KCNIP4: variants seen among roughly 807,000 people sequenced by gnomAD.
KCNIP4 encodes the protein Kv channel-interacting protein 4.
In KCNIP4, 12 loss-of-function variants were observed where a neutral mutation model predicts 34.0. The ratio of observed to expected loss-of-function variants is 0.35; its 90% confidence interval spans 0.23 to 0.57. The LOEUF is 0.57. KCNIP4 is among the 20% of genes least tolerant of loss of function. The pLI is 0.83. For missense variants in KCNIP4, 238 were observed against 311.7 expected (o/e 0.76, Z 1.78); for synonymous variants, 124 against 102.2 (o/e 1.21, Z -1.29).
intron 1 of KCNIP4, among the ~76,000 whole-genome samples, chr4:21,831,663 C>CA (rs141374886): frequency 0.59 from 42,978 of 73,380 alleles, 14,505 homozygotes; most frequent in Non-Finnish European, 0.63. Flanking sequence ...CATTTTTCAT[C>CA]AAAAAAAAAA....
intron 1 of KCNIP4, among the ~76,000 whole-genome samples, chr4:21,049,478 A>G (rs1742743110): frequency 6.6e-6 from 1 of 152,216 alleles, no homozygotes; most frequent in Non-Finnish European, 1.5e-5. Flanking sequence ...AGTCTAAACT[A>G]TACACATTTA....
At chr4:21,433,632 T>G (rs1387155975) in intron 1 of KCNIP4, among the ~76,000 whole-genome samples, 1 of 152,196 alleles carries the variant, frequency 6.6e-6, no homozygotes, top group East Asian at 1.9e-4. Context: ...TATAGCTGAC[T>G]GATACACATA....
chr4:21,662,596 TA>T, intron 1 of KCNIP4, among the ~76,000 whole-genome samples: 1 of 152,376 alleles, frequency 6.6e-6, no homozygotes, highest in South Asian at 2.1e-4. Flanking sequence ...TATGTAACAT[TA>T]TCTTCATATA....
chr4:21,181,893 T>C (rs1754870056), intron 1 of KCNIP4, among the ~76,000 whole-genome samples: 1 of 152,142 alleles, frequency 6.6e-6, no homozygotes, highest in African/African-American at 2.4e-5. Context: ...CTAACACTGG[T>C]ACAATAGTGC....
At chr4:20,820,045 C>A (rs1014605609) in intron 3 of KCNIP4, among the ~76,000 whole-genome samples, 1 of 152,186 alleles carries the variant, frequency 6.6e-6, no homozygotes. Context: ...CAAGATAATG[C>A]AGAGAGGCTG....
chr4:21,574,441 T>C (rs374136689), intron 1 of KCNIP4, among the ~76,000 whole-genome samples: 1 of 151,904 alleles, frequency 6.6e-6, no homozygotes, highest in African/African-American at 2.4e-5. Flanking sequence ...ATATGGCAGG[T>C]TTAATCAATG....
At position 21,343,592 on chromosome 4, in the gene KCNIP4, T is replaced by C. The variant is rs1716976504; in HGVS notation, c.62-460883A>G. Reference sequence around the variant, plus strand: ...AATGCTGCTTGTCTATGAAAGTCTTTACCAGGATCCATGAGCCCAGGGCAT... The same window carrying C: ...AATGCTGCTTGTCTATGAAAGTCTTCACCAGGATCCATGAGCCCAGGGCAT... On this transcript the variant is annotated intron_variant, in intron 1 of 8. Transcript: ENST00000382152. 2.0e-5 allele frequency among the ~76,000 whole-genome samples: 3 copies of C among 152,124 alleles called. No homozygotes were observed. The South Asian group carries it at 6.2e-4, about 32-fold the overall frequency.
chr4:21,473,650 T>G (rs1182105520), intron 1 of KCNIP4, among the ~76,000 whole-genome samples: 1 of 152,130 alleles, frequency 6.6e-6, no homozygotes, highest in African/African-American at 2.4e-5. Context: ...AGTTTCATAC[T>G]TTGTAGTGAA....
chr4:21,323,635 T>C (rs1714726443), intron 1 of KCNIP4, among the ~76,000 whole-genome samples: 1 of 152,248 alleles, frequency 6.6e-6, no homozygotes, highest in East Asian at 1.9e-4. Flanking sequence ...ATTGTGTTAA[T>C]GTACTACATT....
rs988851875 is a variant in KCNIP4 at position 21,070,166 on chromosome 4, T to C, written c.62-187457A>G. Among the ~76,000 whole-genome samples the C allele has an allele frequency of 2.6e-5, 4 of 152,332 alleles. No individual in the cohort carries two copies. The East Asian group carries it at 5.8e-4, about 22-fold the overall frequency. ...CCATCCTAGCTGTTGTGTGTATCAATAGTTTGCTCATTTTTATTGTTGAGT... is the reference window on the plus strand; with the variant it reads ...CCATCCTAGCTGTTGTGTGTATCAACAGTTTGCTCATTTTTATTGTTGAGT... On this transcript the variant is annotated intron_variant, in intron 1 of 8. Coordinates refer to ENST00000382152, the MANE Select transcript of KCNIP4 (RefSeq NM_025221.6).
chr4:21,459,751 T>C (rs1242899054), intron 1 of KCNIP4, among the ~76,000 whole-genome samples: 1 of 151,998 alleles, frequency 6.6e-6, no homozygotes, highest in Non-Finnish European at 1.5e-5. Flanking sequence ...AGTATCATGA[T>C]TGTCTTTTCT....
chr4:21,487,599 G>C (rs1732026798), intron 1 of KCNIP4, among the ~76,000 whole-genome samples: 1 of 152,094 alleles, frequency 6.6e-6, no homozygotes, highest in African/African-American at 2.4e-5. Context: ...TGTGAGGTTA[G>C]GAAATCCACA....
At chr4:20,857,935 G>A (rs756947414) in intron 2 of KCNIP4, among the ~76,000 whole-genome samples, 6 of 151,966 alleles carry the variant, frequency 3.9e-5, no homozygotes, top group Middle Eastern at 3.2e-3. Flanking sequence ...TAGGCCGGGC[G>A]TGGTGGCTCA....
At chr4:21,510,688 C>T (rs900611143) in intron 1 of KCNIP4, among the ~76,000 whole-genome samples, 2 of 151,932 alleles carry the variant, frequency 1.3e-5, no homozygotes, top group Non-Finnish European at 2.9e-5. Context: ...ATGTTGACCC[C>T]TCATTTTTAT....
intron 1 of KCNIP4, among the ~76,000 whole-genome samples, chr4:21,250,292 T>C (rs954432124): frequency 1.3e-5 from 2 of 151,926 alleles, no homozygotes; most frequent in African/African-American, 4.8e-5. Context: ...ATGCAGAAAT[T>C]CTCCAGACTT....
chr4:21,288,949 C>T (rs540986395), intron 1 of KCNIP4, among the ~76,000 whole-genome samples: 4 of 152,258 alleles, frequency 2.6e-5, no homozygotes, highest in Non-Finnish European at 2.9e-5. Flanking sequence ...CACAACCAAT[C>T]TATAAGGTAA....
intron 1 of KCNIP4, among the ~76,000 whole-genome samples, chr4:21,264,462 T>G (rs1377536253): frequency 1.3e-5 from 2 of 152,114 alleles, no homozygotes; most frequent in African/African-American, 4.8e-5. Flanking sequence ...GAGTTCATGT[T>G]TAGACAACTC....
intron 1 of KCNIP4, among the ~76,000 whole-genome samples, chr4:21,311,853 G>A (rs556943379): frequency 6.6e-6 from 1 of 152,216 alleles, no homozygotes; most frequent in South Asian, 2.1e-4. Flanking sequence ...TTCAAGTGGG[G>A]TTTCAAAGGG....
intron 1 of KCNIP4, among the ~76,000 whole-genome samples, chr4:21,026,849 A>G (rs1289064719): frequency 1.3e-5 from 2 of 152,174 alleles, no homozygotes; most frequent in Non-Finnish European, 2.9e-5. Context: ...GACAATGGCC[A>G]GTCATAGTCA....
Sources: allele counts gnomAD v4.1 joint callset (sites outside exome capture counted in the v4.1 genomes callset), GRCh38; gene constraint gnomAD v4.1.1; transcripts MANE v1.5; gene names NCBI Gene and HGNC (gene_info 2026-07-23, HGNC 2026-07-21).